Variants in FLRT3 observed in about 807,000 individuals in gnomAD.
The protein encoded by FLRT3 is fibronectin leucine rich transmembrane protein 3, also known as leucine-rich repeat transmembrane protein FLRT3.
Under a neutral mutation model 42.6 loss-of-function variants are expected in FLRT3, and 17 were observed. The observed-to-expected ratio is 0.40, with a 90% CI of 0.27 to 0.60. The LOEUF (loss-of-function observed/expected upper bound fraction) is 0.60. Ranked by LOEUF, FLRT3 falls within the 20% of genes least tolerant of loss-of-function variation. The pLI, the probability that FLRT3 is intolerant of heterozygous loss-of-function variation, is 0.44. For synonymous variants in FLRT3, 279 were observed against 286.4 expected (o/e 0.97, Z 0.26); for missense variants, 635 against 789.2 (o/e 0.80, Z 2.34).
rs774538592 is a variant in FLRT3, at chr20:14,325,642, A to G, written c.1865T>C (p.Leu622Pro). 18 of 1,613,762 alleles carry G rather than the reference A, an allele frequency of 1.1e-5. No homozygotes were observed. Among genetic ancestry groups the G allele is most frequent in the Middle Eastern group, 1.7e-4 (1 of 6,052 alleles). ...GCTTTCACTGTGATTGTTTTTGTACAGATTCATTCCATTAGGAGGAAATAT... is the reference window on the plus strand; with the variant it reads ...GCTTTCACTGTGATTGTTTTTGTACGGATTCATTCCATTAGGAGGAAATAT... ...HTIFPPNGMN[L>P]YKNNHSESSS... The change falls in exon 3 of 3, where the codon CTG (leucine) becomes CCG (proline). Residue 622 changes from leucine (L) to proline (P), a missense_variant. Transcript: ENST00000341420.
Position 14,326,353 on chromosome 20 carries a change from A to T in FLRT3, c.1154T>A (p.Val385Glu). ...YPAQGQWPAP[V>E]TKQPDIKNPK... ...GTTCTTAATATCTGGCTGTTTGGTC[A>T]CTGGAGCTGGCCACTGTCCTTGGGC... is the stretch of plus-strand genomic sequence containing the variant. The change falls in exon 3 of 3, where the codon GTG becomes GAG. Residue 385 changes from valine (V) to glutamate (E), a missense_variant. Coordinates refer to ENST00000341420, the MANE Select transcript of FLRT3 (RefSeq NM_198391.3). The surrounding 1 kb of genome is among the most constrained non-coding windows in gnomAD (Gnocchi z 5.5). The T allele has an allele frequency of 6.2e-7, 1 of 1,613,910 alleles. No homozygotes were observed. Among genetic ancestry groups the T allele is most frequent in the East Asian group, 2.2e-5 (1 of 44,866 alleles).
Position 14,323,555 on chromosome 20 carries a change from GC to G in FLRT3, c.*2001del, listed in dbSNP as rs2082688173. 2.6e-5 allele frequency: 4 copies of G among 152,206 alleles called. 1 individual carries two copies. The South Asian group carries it at 8.3e-4, about 32-fold the overall frequency. 9.4% of individuals were successfully genotyped at this position (152,206 alleles called of 1,614,324 possible). Reference sequence around the variant, plus strand: ...GATCAACTTAATCTTCATCCACTTCGCCCTCTCTGGAGGTTAGGGTTTGGGG... The same window carrying G: ...GATCAACTTAATCTTCATCCACTTCGCCTCTCTGGAGGTTAGGGTTTGGGG... On this transcript the variant is annotated 3_prime_UTR_variant, in exon 3 of 3. Transcript: ENST00000341420.
intron 1 of FLRT3, among the ~76,000 whole-genome samples, chr20:14,331,616 C>T (rs912305695): frequency 2.6e-5 from 4 of 152,106 alleles, no homozygotes; most frequent in Non-Finnish European, 5.9e-5. Context: ...TATGCCCCTG[C>T]TCCCTTAGGC....
intron 1 of FLRT3, among the ~76,000 whole-genome samples, chr20:14,329,814 T>C (rs545021880): frequency 2.0e-5 from 3 of 152,166 alleles, no homozygotes; most frequent in East Asian, 1.9e-4. Flanking sequence ...AGCTTTTCTT[T>C]TGATTTGCTT....
rs750329954 is a variant in FLRT3, at chr20:14,326,048, G to A, written c.1459C>T (p.Leu487Phe). ...ACAGGAGTTTCATCAAATAGGTAGA[G>A]GTTGCTGGTTTCCATGGGAACCATG... ...VCMVPMETSN[L>F]YLFDETPVCI... The change falls in exon 3 of 3, where the codon CTC becomes TTC. Residue 487 changes from leucine to phenylalanine, a missense_variant. Transcript: ENST00000341420. The surrounding 1 kb of genome is among the most constrained non-coding windows in gnomAD (Gnocchi z 5.5). The A allele has an allele frequency of 7.4e-6, 12 of 1,613,838 alleles. No individual in the cohort carries two copies. The highest frequency in any genetic ancestry group is 1.0e-5 in the Non-Finnish European group (12 of 1,179,900).
chr20:14,333,103 C>T (rs1159392903), intron 1 of FLRT3, among the ~76,000 whole-genome samples: 3 of 151,908 alleles, frequency 2.0e-5, no homozygotes, highest in African/African-American at 7.3e-5. Context: ...CTCTAACTCT[C>T]CTCTTGAGAG....
At chr20:14,330,219 AAG>A (rs776776774) in intron 1 of FLRT3, among the ~76,000 whole-genome samples, 1 of 152,026 alleles carries the variant, frequency 6.6e-6, no homozygotes, top group Non-Finnish European at 1.5e-5. Flanking sequence ...GGCTTGACTA[AAG>A]AGATCATTGA....
At position 14,324,584 on chromosome 20, in the gene FLRT3, C is replaced by G. The variant is rs567937570; in HGVS notation, c.*973G>C. The G allele has an allele frequency of 6.6e-6, 1 of 152,050 alleles. No individual in the cohort carries two copies. The highest frequency in any genetic ancestry group is 2.4e-5 in the African/African-American group (1 of 41,402). 9.4% of individuals were successfully genotyped at this position (152,050 alleles called of 1,614,324 possible). ...CTTTCTCTGGATTGTTGAGGGGAAT[C>G]GCTTATAATTACATTACATTTTTAA... On this transcript the variant is annotated 3_prime_UTR_variant, in exon 3 of 3. Coordinates refer to ENST00000341420, the MANE Select transcript of FLRT3 (RefSeq NM_198391.3).
In FLRT3 at chr20:14,325,603, C is replaced by T. The variant is rs776493788; in HGVS notation, c.1904G>A (p.Ser635Asn). 2.5e-6 allele frequency: 4 copies of T among 1,613,308 alleles called. No individual in the cohort carries two copies. The highest frequency in any genetic ancestry group is 3.3e-5 in the Admixed American group (2 of 59,970). Residue 635 changes from serine to asparagine, a missense_variant, in exon 3 of 3, where the codon AGC (serine) becomes AAC (asparagine). By Grantham distance (46) the Ser-to-Asn change is conservative. Coordinates refer to ENST00000341420, the MANE Select transcript of FLRT3 (RefSeq NM_198391.3). ...NNHSESSSNRSYRDSGIPDSD... is the reference protein window; with the variant it reads ...NNHSESSSNRNYRDSGIPDSD... ...GTCTGGAATACCACTGTCTCTGTAG[C>T]TTCGGTTACTACTGCTTTCACTGTG...
rs752276100 is a variant in FLRT3, at chr20:14,325,848, A to G, written c.1659T>C (p.His553=). The change falls in exon 3 of 3, where the codon CAT becomes CAC. Residue 553 remains histidine (H), a synonymous_variant. Coordinates refer to ENST00000341420, the MANE Select transcript of FLRT3 (RefSeq NM_198391.3). ...TCCTTGAGAAGAGCGATCCATTCCT[A>G]TGAACATACCAACACACTAAAGCAA... is the stretch of plus-strand genomic sequence containing the variant. The part of the protein sequence containing the change: ...ALLALVCWYV[H]RNGSLFSRNC... 7.4e-6 allele frequency: 12 copies of G among 1,613,902 alleles called. No individual in the cohort carries two copies. In the South Asian group the frequency reaches 9.9e-5, roughly 13 times the overall value.
In FLRT3 at chr20:14,324,265, G is replaced by A. The variant is rs771308000; in HGVS notation, c.*1292C>T. ...GCACATACAAGACTGGCCAAAGGGC[G>A]TACAATGCACTTTGGTTTTTTGTTG... On this transcript the variant is annotated 3_prime_UTR_variant, in exon 3 of 3. Coordinates refer to ENST00000341420, the MANE Select transcript of FLRT3 (RefSeq NM_198391.3). 4.2e-5 allele frequency: 6 copies of A among 144,446 alleles called. No individual in the cohort carries two copies. The highest frequency in any genetic ancestry group is 7.6e-5 in the Non-Finnish European group (5 of 66,096). 8.9% of individuals were successfully genotyped at this position (144,446 alleles called of 1,614,324 possible).
intron 2 of FLRT3, 46 bp from the exon 3 acceptor site, chr20:14,327,604 A>G (rs1343739127): frequency 7.8e-7 from 1 of 1,278,222 alleles, no homozygotes; most frequent in African/African-American, 1.5e-5. Flanking sequence ...TAAGGCCAGC[A>G]TACTGAATAT....
Position 14,327,260 on chromosome 20 carries a change from G to C in FLRT3, c.247C>G (p.Leu83Val). ...AGIPSDLKNLLKVERIYLYHN... is the reference protein window; with the variant it reads ...AGIPSDLKNLVKVERIYLYHN... Reference sequence around the variant, plus strand: ...TATAGGTATATTCTTTCTACTTTCAGCAAGTTTTTCAAATCTGAAGGAATC... The same window carrying C: ...TATAGGTATATTCTTTCTACTTTCACCAAGTTTTTCAAATCTGAAGGAATC... Residue 83 changes from leucine (L) to valine (V), a missense_variant, in exon 3 of 3, where the codon CTG (leucine) becomes GTG (valine). Physicochemically the swap from Leu to Val is conservative, Grantham distance 32 (BLOSUM62 1). Transcript: ENST00000341420. 6.2e-7 allele frequency: 1 copy of C among 1,613,772 alleles called. No homozygotes were observed. Among genetic ancestry groups the C allele is most frequent in the Non-Finnish European group, 8.5e-7 (1 of 1,179,754 alleles).
intron 1 of FLRT3, among the ~76,000 whole-genome samples, chr20:14,330,127 G>T (rs2082807730): frequency 6.6e-6 from 1 of 151,994 alleles, no homozygotes. Flanking sequence ...TCAAAACCAG[G>T]TGGGGCATTT....
Position 14,326,247 on chromosome 20 carries a change from A to G in FLRT3, c.1260T>C (p.Ser420=). The G allele has an allele frequency of 1.2e-6, 2 of 1,613,970 alleles. No homozygotes were observed. Among genetic ancestry groups the G allele is most frequent in the Non-Finnish European group, 1.7e-6 (2 of 1,179,870 alleles). ...TITITVKSVT[S]DTIHISWKLA... is the part of the protein sequence containing the mutation. ...GTTTCCAAGAGATATGAATGGTATCAGAGGTGACAGACTTCACAGTAATTG... is the reference window on the plus strand; with the variant it reads ...GTTTCCAAGAGATATGAATGGTATCGGAGGTGACAGACTTCACAGTAATTG... The change falls in exon 3 of 3, where the codon TCT becomes TCC. Residue 420 remains serine (S), a synonymous_variant. Transcript: ENST00000341420. This position sits in a 1 kb window ranked among gnomAD's most constrained non-coding sequence, Gnocchi z 5.5.
At chr20:14,336,861 G>A (rs1402675926) in intron 1 of FLRT3, among the ~76,000 whole-genome samples, 3 of 152,196 alleles carry the variant, frequency 2.0e-5, no homozygotes, top group African/African-American at 7.2e-5. Flanking sequence ...CGATAGCAGT[G>A]CAAGCTTTAA....
Position 14,326,394 on chromosome 20 carries a change from G to A in FLRT3, c.1113C>T (p.Pro371=), listed in dbSNP as rs748572291. The change falls in exon 3 of 3, where the codon CCC becomes CCT. Residue 371 remains proline (P), a synonymous_variant. Transcript: ENST00000341420. The surrounding 1 kb of genome is among the most constrained non-coding windows in gnomAD (Gnocchi z 5.5). The part of the protein sequence containing the change: ...VSTIQITTAI[P]NTVYPAQGQW... ...GTCCTTGGGCAGGATACACTGTGTT[G>A]GGTATTGCAGTGGTTATCTGAATGG... 5.0e-6 allele frequency: 8 copies of A among 1,613,850 alleles called. No homozygotes were observed. Among genetic ancestry groups the A allele is most frequent in the Non-Finnish European group, 6.8e-6 (8 of 1,179,842 alleles).
chr20:14,332,776 C>G (rs1419215615), intron 1 of FLRT3, among the ~76,000 whole-genome samples: 2 of 151,964 alleles, frequency 1.3e-5, no homozygotes, highest in African/African-American at 4.8e-5. Flanking sequence ...ACAAATGTAT[C>G]CAACTTTGTG....
At chr20:14,334,139 C>A (rs1483100088) in intron 1 of FLRT3, among the ~76,000 whole-genome samples, 1 of 152,152 alleles carries the variant, frequency 6.6e-6, no homozygotes, top group South Asian at 2.1e-4. Context: ...AAATTATATT[C>A]TATTGCTTTC....
Sources: gnomAD v4.1 joint callset for allele counts (sites outside exome capture counted in the v4.1 genomes callset) on GRCh38, gnomAD v4.1.1 for gene constraint, Gnocchi (gnomAD v3.1) non-coding constraint, MANE v1.5 for transcripts, NCBI Gene and HGNC (gene_info 2026-07-23, HGNC 2026-07-21) for gene names.